Variants in SLC7A7 observed in about 807,000 individuals in gnomAD.
SLC7A7 encodes Y+L amino acid transporter 1.
In SLC7A7, 39 loss-of-function variants were observed where a neutral mutation model predicts 47.9. That is an observed-to-expected ratio of 0.81 (90% CI 0.63 to 1.06). SLC7A7 has a LOEUF of 1.06. SLC7A7 is among the 50% of genes least tolerant of loss of function. The probability of loss-of-function intolerance (pLI) is 0.00; values close to 1 mark genes in which losing one functional copy is unlikely to be tolerated. For missense variants in SLC7A7, 588 were observed against 632.0 expected (o/e 0.93, Z 0.75); for synonymous variants, 234 against 242.8 (o/e 0.96, Z 0.34).
Position 22,775,428 on chromosome 14 carries a change from C to T in SLC7A7, c.1095+16G>A. 6.2e-7 allele frequency: 1 copy of T among 1,606,902 alleles called. No individual in the cohort carries two copies. The highest frequency in any genetic ancestry group is 8.5e-7 in the Non-Finnish European group (1 of 1,173,530). ...CCCGCAATCTGGCTTTCAGTCTCAT[C>T]CTTGAGTTCACTTACATTGAAGAGC... is the stretch of plus-strand genomic sequence containing the variant. On this transcript the variant is annotated intron_variant, in intron 7 of 9. Transcript: ENST00000674313.
intron 2 of SLC7A7, among the ~76,000 whole-genome samples, chr14:22,784,237 G>A (rs2038771814): frequency 6.6e-6 from 1 of 152,222 alleles, no homozygotes; most frequent in Admixed American, 6.5e-5. Flanking sequence ...AAGTCTATAA[G>A]AGGATAACCT....
chr14:22,795,385 G>GCTTGCTTGCTTGCTTTTTCTTT lies in SLC7A7; in HGVS notation c.500-15335_500-15334insAAAGAAAAAGCAAGCAAGCAAG, dbSNP rs1491190196. On this transcript the variant is annotated intron_variant, in intron 2 of 9. Transcript: ENST00000674313. ...TGCCCAATCTGAGTATTGCTTGCTT[G>GCTTGCTTGCTTGCTTTTTCTTT]CTTTCTTTCTTTCTTTCTTTCTTTC... is the stretch of plus-strand genomic sequence containing the variant. Among the ~76,000 whole-genome samples, 14 of 14,494 alleles carry GCTTGCTTGCTTGCTTTTTCTTT rather than the reference G, an allele frequency of 9.7e-4. 3 individuals are homozygous for GCTTGCTTGCTTGCTTTTTCTTT. Among genetic ancestry groups the GCTTGCTTGCTTGCTTTTTCTTT allele is most frequent in the East Asian group, 8.5e-3 (2 of 234 alleles). The allele number at this position is 14,494 out of a possible 152,430, so 9.5% of individuals were successfully genotyped here.
intron 2 of SLC7A7, among the ~76,000 whole-genome samples, chr14:22,800,896 G>A (rs2039101463): frequency 2.0e-5 from 3 of 151,842 alleles, no homozygotes; most frequent in South Asian, 4.2e-4. Context: ...CCGAGATCGC[G>A]CCACTGCACT....
intron 2 of SLC7A7, among the ~76,000 whole-genome samples, chr14:22,805,815 A>G (rs922508246): frequency 5.3e-5 from 8 of 152,218 alleles, no homozygotes; most frequent in Non-Finnish European, 1.0e-4. Flanking sequence ...TTTTAAAAAA[A>G]GAAATTACCC....
At chr14:22,812,160 C>T (rs1229455952) in intron 2 of SLC7A7, among the ~76,000 whole-genome samples, 1 of 149,840 alleles carries the variant, frequency 6.7e-6, no homozygotes, top group African/African-American at 2.5e-5. Flanking sequence ...AACTACACCT[C>T]TTTTTTTTTT....
rs2038603917 is a variant in SLC7A7, at chr14:22,776,243, A to G, written c.846T>C (p.Tyr282=). ...AGATGTCTCTCATGTCTAGCACAGT[A>G]TAATAGGCCACATTGGTCAAGATAT... is the stretch of plus-strand genomic sequence containing the variant. ...IIYILTNVAY[Y]TVLDMRDILA... is the part of the protein sequence containing the mutation. Residue 282 remains tyrosine (Y), a synonymous_variant, in exon 5 of 10, where the codon TAT becomes TAC. Coordinates refer to ENST00000674313, the MANE Select transcript of SLC7A7 (RefSeq NM_003982.4). The G allele has an allele frequency of 6.2e-7, 1 of 1,614,238 alleles. No homozygotes were observed. Among genetic ancestry groups the G allele is most frequent in the Non-Finnish European group, 8.5e-7 (1 of 1,180,036 alleles).
chr14:22,786,770 C>T (rs1444059958), intron 2 of SLC7A7, among the ~76,000 whole-genome samples: 1 of 152,054 alleles, frequency 6.6e-6, no homozygotes, highest in African/African-American at 2.4e-5. Context: ...CACATCTCCA[C>T]AAAACATTTT....
chr14:22,818,714 C>T, upstream of SLC7A7, among the ~76,000 whole-genome samples: 1 of 151,906 alleles, frequency 6.6e-6, no homozygotes, highest in Middle Eastern at 3.2e-3. Context: ...CTGCCTCAGC[C>T]TCCCAAGTAG....
intron 2 of SLC7A7, among the ~76,000 whole-genome samples, chr14:22,800,405 G>A (rs756143530): frequency 2.6e-5 from 4 of 152,240 alleles, no homozygotes; most frequent in Non-Finnish European, 4.4e-5. Flanking sequence ...CCCTCTTCTC[G>A]AAACTGGATG....
chr14:22,780,935 A>G (rs955663961), intron 2 of SLC7A7, among the ~76,000 whole-genome samples: 7 of 152,200 alleles, frequency 4.6e-5, no homozygotes, highest in African/African-American at 1.4e-4. Flanking sequence ...TTGAATTTGA[A>G]TTACTTGAAG....
Position 22,812,936 on chromosome 14 carries a change from A to G in SLC7A7, c.463T>C (p.Tyr155His), listed in dbSNP as rs1265862204. ...QPLFPSCFAP[Y>H]AASRLLAAAC... ...GCAGCCAGCAGGCGGCTGGCAGCATAAGGGGCGAAGCAGCTCGGGAAGAGA... is the reference window on the plus strand; with the variant it reads ...GCAGCCAGCAGGCGGCTGGCAGCATGAGGGGCGAAGCAGCTCGGGAAGAGA... Residue 155 changes from tyrosine to histidine, a missense_variant, in exon 2 of 10, where the codon TAT (tyrosine) becomes CAT (histidine). Physicochemically the swap from Tyr to His is moderately conservative, Grantham distance 83. Transcript: ENST00000674313. 6.2e-7 allele frequency: 1 copy of G among 1,613,862 alleles called. No individual in the cohort carries two copies. Among genetic ancestry groups the G allele is most frequent in the Admixed American group, 1.7e-5 (1 of 59,976 alleles).
In SLC7A7 at chr14:22,798,769, C is replaced by A. The variant is rs372094624; in HGVS notation, c.499+14131G>T. Among the ~76,000 whole-genome samples, 196 of 152,256 alleles carry A rather than the reference C, an allele frequency of 1.3e-3. 2 individuals carry two copies. The highest frequency in any genetic ancestry group is 3.8e-3 in the African/African-American group (160 of 41,560). On this transcript the variant is annotated intron_variant, in intron 2 of 9. Transcript: ENST00000674313. ...CCTCTTTCACCCTGCAAAAGTTTTC[C>A]TTTGACCCTCTGAGTTGCCAATTCC...
upstream of SLC7A7, chr14:22,815,606 C>A: frequency 2.2e-6 from 1 of 454,110 alleles, no homozygotes; most frequent in Non-Finnish European, 4.4e-6. Context: ...TGGCTCAGCA[C>A]TTTCTGTGAT....
At chr14:22,780,198 TC>T in intron 2 of SLC7A7, 147 bp from the exon 3 acceptor site, 1 of 1,100,634 alleles carries the variant, frequency 9.1e-7, no homozygotes. Context: ...ACTGGAACCC[TC>T]GGGGCCCCAG....
At chr14:22,787,034 T>G (rs567837899) in intron 2 of SLC7A7, among the ~76,000 whole-genome samples, 10 of 152,354 alleles carry the variant, frequency 6.6e-5, no homozygotes, top group African/African-American at 2.2e-4. Flanking sequence ...TTATATGATA[T>G]GGGATTTTTC....
chr14:22,788,422 A>G (rs996030842), intron 2 of SLC7A7, among the ~76,000 whole-genome samples: 3 of 152,184 alleles, frequency 2.0e-5, no homozygotes, highest in Non-Finnish European at 2.9e-5. Flanking sequence ...AATAAATACT[A>G]AACAGCACTA....
intron 2 of SLC7A7, among the ~76,000 whole-genome samples, chr14:22,782,016 G>T (rs927946112): frequency 6.6e-6 from 1 of 152,218 alleles, no homozygotes; most frequent in Non-Finnish European, 1.5e-5. Context: ...GCAGGGAAAA[G>T]GAGGGATAAG....
chr14:22,808,828 A>T (rs2138648384), intron 2 of SLC7A7, among the ~76,000 whole-genome samples: 1 of 152,332 alleles, frequency 6.6e-6, no homozygotes, highest in Admixed American at 6.5e-5. Context: ...CATTTATCTA[A>T]CCATAACTAC....
Position 22,774,388 on chromosome 14 carries a change from C to G in SLC7A7, c.1211G>C (p.Arg404Pro), listed in dbSNP as rs201305817. 2 of 1,613,988 alleles carry G rather than the reference C, an allele frequency of 1.2e-6. No homozygotes were observed. Among genetic ancestry groups the G allele is most frequent in the African/African-American group, 2.7e-5 (2 of 74,884 alleles). Reference sequence around the variant, plus strand: ...ACGAGGTCGATCAGGCTCCTTCCAGCGCAGATAAAGCTGACCCACAATAGA... The same window carrying G: ...ACGAGGTCGATCAGGCTCCTTCCAGGGCAGATAAAGCTGACCCACAATAGA... ...GLSIVGQLYL[R>P]WKEPDRPRPL... Residue 404 changes from arginine to proline, a missense_variant, in exon 8 of 10, where the codon CGC (arginine) becomes CCC (proline). By Grantham distance (103) the Arg-to-Pro change is moderately radical (BLOSUM62 -2). Coordinates refer to ENST00000674313, the MANE Select transcript of SLC7A7 (RefSeq NM_003982.4).
Sources: gnomAD v4.1 joint callset for allele counts (sites outside exome capture counted in the v4.1 genomes callset) on GRCh38, gnomAD v4.1.1 for gene constraint, MANE v1.5 for transcripts, NCBI Gene and HGNC (gene_info 2026-07-23, HGNC 2026-07-21) for gene names.